The following LY75 variants were observed in gnomAD, a reference collection of about 807,000 sequenced individuals.
The protein encoded by LY75 is lymphocyte antigen 75, also known as C-type lectin domain family 13 member B.
Under a neutral mutation model 231.7 loss-of-function variants are expected in LY75, and 185 were observed. The ratio of observed to expected loss-of-function variants is 0.80; its 90% CI spans 0.71 to 0.90. The LOEUF is 0.90. LY75 is among the 40% of genes least tolerant of loss of function. The pLI is 0.00. For synonymous variants in LY75, 668 were observed against 689.0 expected (o/e 0.97, Z 0.48); for missense variants, 1,947 against 2,050.2 (o/e 0.95, Z 0.97).
intron 23 of LY75, 73 bp downstream of exon 23, chr2:159,849,907 T>C: frequency 6.5e-7 from 1 of 1,542,400 alleles, no homozygotes; most frequent in Non-Finnish European, 8.7e-7. Context: ...GGGTTTTGCT[T>C]AGTCCAAAAA....
At position 159,807,108 on chromosome 2, in the gene LY75, C is replaced by T; in HGVS notation, c.4855G>A (p.Val1619Met). ...TTATTTTCCCATTTGACAAATGTCACTTCTGATCCATCTAACCAACTCCAA... is the reference window on the plus strand; with the variant it reads ...TTATTTTCCCATTTGACAAATGTCATTTCTGATCCATCTAACCAACTCCAA... ...QSWSWLDGSE[V>M]TFVKWENKSK... is the part of the protein sequence containing the mutation. Residue 1619 changes from valine (V) to methionine (M), a missense_variant, in exon 34 of 35, where the codon GTG becomes ATG. Transcript: ENST00000263636. 2 of 1,613,780 alleles carry T rather than the reference C, an allele frequency of 1.2e-6. No homozygotes were observed. Among genetic ancestry groups the T allele is most frequent in the Non-Finnish European group, 8.5e-7 (1 of 1,179,854 alleles).
In LY75 at chr2:159,878,849, C is replaced by A. The variant is rs1419762028; in HGVS notation, c.1516-128G>T. On this transcript the variant is annotated intron_variant, in intron 9 of 34. Transcript: ENST00000263636. ...AAATTGAGGACATGGCTATTGAAAT[C>A]ATACATGTGATGAGGGTGGGATGCA... 1.2e-5 allele frequency: 12 copies of A among 996,920 alleles called. No individual in the cohort carries two copies. In the African/African-American group the frequency reaches 1.8e-4, roughly 15 times the overall value. The allele number at this position is 996,920 out of a possible 1,614,324, so 61.8% of individuals were successfully genotyped here.
chr2:159,853,440 T>C lies in LY75; in HGVS notation c.2664-88A>G, dbSNP rs1684460989. 2.0e-6 allele frequency: 3 copies of C among 1,518,544 alleles called. No homozygotes were observed. In the Admixed American group the frequency reaches 5.6e-5, roughly 28 times the overall value. 94.1% of individuals were successfully genotyped at this position (1,518,544 alleles called of 1,614,324 possible). A position where few individuals can be genotyped will look rare whatever the true frequency, so the allele number is the denominator to read the frequency against. On this transcript the variant is annotated intron_variant, in intron 19 of 34. Transcript: ENST00000263636. The stretch of plus-strand genomic sequence containing the variant: ...TACTGTAAGTTATTTTATTTCTAAA[T>C]TTAATGTTAATACCATTACTCTATA...
In LY75 at chr2:159,878,689, C is replaced by A; in HGVS notation, c.1548G>T (p.Lys516Asn). Residue 516 changes from lysine (K) to asparagine (N), a missense_variant, in exon 10 of 35, where the codon AAG becomes AAT. By Grantham distance (94) the Lys-to-Asn change is moderately conservative. Coordinates refer to ENST00000263636, the MANE Select transcript of LY75 (RefSeq NM_002349.4). The stretch of plus-strand genomic sequence containing the variant: ...CAAAAGGGACCTCATCCTCATAAAT[C>A]TTGTAACAGGTTTCTCCATGTCTCT... ...GWKRHGETCYKIYEDEVPFGT... is the reference protein window; with the variant it reads ...GWKRHGETCYNIYEDEVPFGT... 6.2e-7 allele frequency: 1 copy of A among 1,613,958 alleles called. No individual in the cohort carries two copies. Among genetic ancestry groups the A allele is most frequent in the South Asian group, 1.1e-5 (1 of 91,072 alleles).
chr2:159,850,791 T>TATATATATATATATATATATATATAAA (rs1341394980), intron 21 of LY75, among the ~76,000 whole-genome samples: 1 of 94,498 alleles, frequency 1.1e-5, no homozygotes, highest in Non-Finnish European at 2.3e-5. Flanking sequence ...TATATATATA[T>TATATATATATATATATATATATATAAA]ATATATATTA....
At chr2:159,854,337 TA>T in intron 18 of LY75, 22 bp downstream of exon 18, 1 of 1,303,852 alleles carries the variant, frequency 7.7e-7, no homozygotes. Flanking sequence ...GAAATATATT[TA>T]AAATATATTC....
chr2:159,857,844 A>T (rs1684591959), intron 16 of LY75, among the ~76,000 whole-genome samples: 2 of 152,098 alleles, frequency 1.3e-5, no homozygotes, highest in South Asian at 4.2e-4. Context: ...ATTTCTCCCC[A>T]CTCTCCCTTC....
rs532681133 is a variant in LY75 at position 159,860,884 on chromosome 2, A to C, written c.2205T>G (p.Ser735=). Reference sequence around the variant, plus strand: ...GAAACTCATTTGGCATGATAATAGTAGACACCTGAAAAGACAAGAGAGGCT... The same window carrying C: ...GAAACTCATTTGGCATGATAATAGTCGACACCTGAAAAGACAAGAGAGGCT... ...SWQWSDRTPV[S]TIIMPNEFQQ... The change falls in exon 15 of 35, where the codon TCT becomes TCG. Residue 735 remains serine, a synonymous_variant. Coordinates refer to ENST00000263636, the MANE Select transcript of LY75 (RefSeq NM_002349.4). 4.3e-6 allele frequency: 7 copies of C among 1,613,936 alleles called. No homozygotes were observed. The South Asian group carries it at 7.7e-5, about 18-fold the overall frequency.
intron 32 of LY75, among the ~76,000 whole-genome samples, chr2:159,809,900 A>G (rs1682906440): frequency 6.6e-6 from 1 of 152,004 alleles, no homozygotes; most frequent in Non-Finnish European, 1.5e-5. Flanking sequence ...CTAGTCTTTA[A>G]TGGCTAACCT....
At chr2:159,859,627 A>G (rs963031505) in intron 15 of LY75, among the ~76,000 whole-genome samples, 13 of 152,254 alleles carry the variant, frequency 8.5e-5, no homozygotes, top group Admixed American at 1.3e-4. Flanking sequence ...CTATTTCTAT[A>G]AATGCCTAGT....
chr2:159,807,780 C>A, intron 33 of LY75: 1 of 946,618 alleles, frequency 1.1e-6, no homozygotes, highest in Non-Finnish European at 1.3e-6. Flanking sequence ...TGTGAAAAAC[C>A]TTATCTTCTG....
At chr2:159,811,492 G>C (rs1682959381) in intron 31 of LY75, among the ~76,000 whole-genome samples, 1 of 152,228 alleles carries the variant, frequency 6.6e-6, no homozygotes, top group South Asian at 2.1e-4. Context: ...TGTCGTATTA[G>C]TGCGGTACAG....
intron 20 of LY75, among the ~76,000 whole-genome samples, chr2:159,852,905 C>A (rs1017018851): frequency 3.9e-5 from 6 of 152,152 alleles, no homozygotes; most frequent in Admixed American, 3.9e-4. Context: ...GACTACCATA[C>A]CATCCCAGGG....
At chr2:159,820,105 T>C (rs1480032094) in intron 28 of LY75, among the ~76,000 whole-genome samples, 185 bp from the exon 29 acceptor site, 2 of 152,250 alleles carry the variant, frequency 1.3e-5, no homozygotes, top group African/African-American at 4.8e-5. Context: ...ATTTTTAATT[T>C]GAATATAAAT....
Position 159,832,382 on chromosome 2 carries a change from A to AC in LY75, c.3842-597dup, listed in dbSNP as rs1683690199. Among the ~76,000 whole-genome samples the AC allele has an allele frequency of 2.0e-5, 3 of 152,334 alleles. No individual in the cohort carries two copies. The South Asian group carries it at 6.2e-4, about 32-fold the overall frequency. On this transcript the variant is annotated intron_variant, in intron 27 of 34. Coordinates refer to ENST00000263636, the MANE Select transcript of LY75 (RefSeq NM_002349.4). The stretch of plus-strand genomic sequence containing the variant: ...ACTATGCATGCGAGGGATATAGCTT[A>AC]CATACTCCTTATGAGAATCTAACTA...
rs1361365909 is a variant in LY75 at position 159,850,153 on chromosome 2, G to A, written c.2990-13C>T. ...GATGTAATAAAGTCTGTTAGAAAGAGATTTTTAAAAAGCATTTGATTTATT... is the reference window on the plus strand; with the variant it reads ...GATGTAATAAAGTCTGTTAGAAAGAAATTTTTAAAAAGCATTTGATTTATT... On this transcript the variant is annotated splice_polypyrimidine_tract_variant and intron_variant, in intron 22 of 34. Coordinates refer to ENST00000263636, the MANE Select transcript of LY75 (RefSeq NM_002349.4). The A allele has an allele frequency of 2.5e-6, 4 of 1,586,948 alleles. No homozygotes were observed. The highest frequency in any genetic ancestry group is 3.4e-6 in the Non-Finnish European group (4 of 1,172,668).
intron 28 of LY75, among the ~76,000 whole-genome samples, chr2:159,822,819 T>C (rs1683338333): frequency 6.6e-6 from 1 of 152,042 alleles, no homozygotes; most frequent in African/African-American, 2.4e-5. Context: ...GGGTGATAAC[T>C]AGGCAAACAG....
rs747412719 is a variant in LY75 at position 159,840,887 on chromosome 2, T to A, written c.3349A>T (p.Ile1117Leu). Residue 1117 changes from isoleucine (I) to leucine (L), a missense_variant, in exon 25 of 35, where the codon ATA becomes TTA. Physicochemically the swap from Ile to Leu is conservative, Grantham distance 5. Transcript: ENST00000263636. ...TGCCAAGTCAGAGTCTTTGGGATTA[T>A]TTTGTACAGATTATTTAGATACTTT... ...TVKYLNNLYKIIPKTLTWHSA... is the reference protein window; with the variant it reads ...TVKYLNNLYKLIPKTLTWHSA... 5.0e-6 allele frequency: 8 copies of A among 1,614,138 alleles called. No homozygotes were observed.
chr2:159,858,327 T>C, intron 16 of LY75, 35 bp downstream of exon 16: 6 of 1,605,810 alleles, frequency 3.7e-6, no homozygotes, highest in Non-Finnish European at 5.1e-6. Flanking sequence ...AATGTTAACA[T>C]GAGAAGGTTG....
Sources: gnomAD v4.1 joint callset for allele counts (sites outside exome capture counted in the v4.1 genomes callset) on GRCh38, gnomAD v4.1.1 for gene constraint, MANE v1.5 for transcripts, NCBI Gene and HGNC (gene_info 2026-07-23, HGNC 2026-07-21) for gene names.